RTF1: variants seen among roughly 807,000 people sequenced by gnomAD.
RTF1 encodes RNA polymerase-associated protein RTF1 homolog.
In RTF1, 10 loss-of-function variants were observed where a neutral mutation model predicts 95.7. That is an observed-to-expected ratio of 0.10 (90% confidence interval 0.06 to 0.18). RTF1 has a LOEUF of 0.18. Among genes scored for constraint, RTF1 ranks in the 10% least tolerant of loss-of-function variants. RTF1 has a pLI of 1.00. For missense variants in RTF1, 458 were observed against 875.6 expected (o/e 0.52, Z 6.02); for synonymous variants, 305 against 311.8 (o/e 0.98, Z 0.23).
chr15:41,421,800 C>T (rs1359250298), intron 1 of RTF1, among the ~76,000 whole-genome samples: 2 of 151,466 alleles, frequency 1.3e-5, no homozygotes, highest in Non-Finnish European at 2.9e-5. Flanking sequence ...TAGCGTTGAC[C>T]TCCCTAGCTC....
intron 3 of RTF1, among the ~76,000 whole-genome samples, chr15:41,455,324 A>G (rs967460682): frequency 3.3e-5 from 5 of 151,912 alleles, no homozygotes; most frequent in Non-Finnish European, 7.4e-5. Flanking sequence ...AAAAAAAAAA[A>G]AAAGAAAATG....
At chr15:41,420,120 C>T (rs1015190784) in intron 1 of RTF1, among the ~76,000 whole-genome samples, 64 of 152,120 alleles carry the variant, frequency 4.2e-4, no homozygotes, top group Middle Eastern at 6.8e-3. Flanking sequence ...CGTGCTTGGC[C>T]GGAATTGCAA....
chr15:41,478,438 T>G, intron 14 of RTF1, 110 bp from the exon 15 acceptor site: 1 of 775,868 alleles, frequency 1.3e-6, no homozygotes, highest in African/African-American at 1.8e-5. Flanking sequence ...AAAAGGATAA[T>G]AGCTTTTTTT....
At chr15:41,445,030 C>T (rs1306800804) in intron 2 of RTF1, among the ~76,000 whole-genome samples, 1 of 152,166 alleles carries the variant, frequency 6.6e-6, no homozygotes, top group East Asian at 1.9e-4. Context: ...CTCCCGGATT[C>T]ACGCCGTTCT....
intron 1 of RTF1, among the ~76,000 whole-genome samples, chr15:41,431,062 C>A (rs1286730887): frequency 6.6e-6 from 1 of 151,538 alleles, no homozygotes; most frequent in Non-Finnish European, 1.5e-5. Context: ...TGCCACCATG[C>A]CCAGCTAATT....
chr15:41,478,311 GA>G (rs1452396882), intron 14 of RTF1, among the ~76,000 whole-genome samples: 1 of 150,944 alleles, frequency 6.6e-6, no homozygotes, highest in African/African-American at 2.4e-5. Flanking sequence ...TGAGGCAGGA[GA>G]ATCACTTGAA....
chr15:41,422,225 G>A (rs867216427), intron 1 of RTF1, among the ~76,000 whole-genome samples: 1 of 152,044 alleles, frequency 6.6e-6, no homozygotes, highest in African/African-American at 2.4e-5. Context: ...CAGTAGAGAC[G>A]CTATGTTGGC....
intron 16 of RTF1, 119 bp from the exon 17 acceptor site, chr15:41,480,095 G>A (rs1456750142): frequency 1.1e-5 from 7 of 654,616 alleles, no homozygotes; most frequent in South Asian, 7.4e-5. Context: ...ATCAGAAAGG[G>A]GCCTTAGTAG....
chr15:41,438,951 C>T lies in RTF1; in HGVS notation c.309+520C>T, dbSNP rs563227681. On this transcript the variant is annotated intron_variant, in intron 2 of 17. Coordinates refer to ENST00000389629, the MANE Select transcript of RTF1 (RefSeq NM_015138.5). ...CTAGTGGGTCCCTCTGCAGGACATG[C>T]GTAGTCATTCTGTAGCTTTTTTTTT... 1.4e-4 allele frequency among the ~76,000 whole-genome samples: 20 copies of T among 147,344 alleles called. No individual in the cohort carries two copies. The East Asian group carries it at 2.8e-3, about 20-fold the overall frequency.
intron 1 of RTF1, among the ~76,000 whole-genome samples, chr15:41,437,920 C>A (rs996144260): frequency 4.6e-5 from 7 of 152,140 alleles, no homozygotes; most frequent in Admixed American, 3.9e-4. Context: ...AAAACTGCCC[C>A]ACAAATGCCA....
rs1408472975 is a variant in RTF1, at chr15:41,474,720, G to C, written c.1286+18G>C. On this transcript the variant is annotated intron_variant, in intron 9 of 17. Coordinates refer to ENST00000389629, the MANE Select transcript of RTF1 (RefSeq NM_015138.5). The stretch of plus-strand genomic sequence containing the variant: ...CAACTACGGTAGGAGGCACTTCTGG[G>C]GTAGCTTCTGCTTCCACTTCAAACA... 1 of 1,584,676 alleles carries C rather than the reference G, an allele frequency of 6.3e-7. No homozygotes were observed. Among genetic ancestry groups the C allele is most frequent in the Non-Finnish European group, 8.7e-7 (1 of 1,153,250 alleles).
intron 3 of RTF1, among the ~76,000 whole-genome samples, chr15:41,456,086 G>A (rs993372051): frequency 6.6e-6 from 1 of 151,008 alleles, no homozygotes; most frequent in Non-Finnish European, 1.5e-5. Flanking sequence ...TGTGCCTGTA[G>A]TCCCTGTTAC....
chr15:41,474,569 A>G, intron 8 of RTF1, 51 bp from the exon 9 acceptor site: 1 of 1,280,834 alleles, frequency 7.8e-7, no homozygotes, highest in Non-Finnish European at 1.1e-6. Flanking sequence ...AGTGTTGTGG[A>G]AAGCTCCGGA....
chr15:41,433,256 T>A (rs368327031), intron 1 of RTF1, among the ~76,000 whole-genome samples: 196 of 151,888 alleles, frequency 1.3e-3, no homozygotes, highest in African/African-American at 4.0e-3. Flanking sequence ...TCAAAAAAAA[T>A]AAATAAATAA....
chr15:41,436,768 T>A (rs577681761), intron 1 of RTF1, among the ~76,000 whole-genome samples: 1 of 151,928 alleles, frequency 6.6e-6, no homozygotes, highest in Non-Finnish European at 1.5e-5. Context: ...CACTCTAGAC[T>A]GGGCAACAGA....
At chr15:41,465,093 T>G (rs1427041017) in intron 5 of RTF1, among the ~76,000 whole-genome samples, 4 of 152,016 alleles carry the variant, frequency 2.6e-5, no homozygotes, top group Non-Finnish European at 4.4e-5. Flanking sequence ...GCTTTCCTTT[T>G]TCCTTTTCTT....
chr15:41,437,805 T>C (rs1429276791), intron 1 of RTF1, among the ~76,000 whole-genome samples: 3 of 152,216 alleles, frequency 2.0e-5, no homozygotes, highest in Non-Finnish European at 4.4e-5. Flanking sequence ...CCAGCACACT[T>C]ACTGCTTGTT....
rs2050976430 is a variant in RTF1 at position 41,481,730 on chromosome 15, T to C, written c.*1043T>C. On this transcript the variant is annotated 3_prime_UTR_variant, in exon 18 of 18. Coordinates refer to ENST00000389629, the MANE Select transcript of RTF1 (RefSeq NM_015138.5). Reference sequence around the variant, plus strand: ...TCTGTTTTGCTGCTTTGGCAAGAACTACATTTTGTTTTTAAGAGAAATTTC... The same window carrying C: ...TCTGTTTTGCTGCTTTGGCAAGAACCACATTTTGTTTTTAAGAGAAATTTC... The C allele has an allele frequency of 6.6e-6, 1 of 152,658 alleles. No individual in the cohort carries two copies. Among genetic ancestry groups the C allele is most frequent in the African/African-American group, 2.4e-5 (1 of 41,468 alleles). The allele number at this position is 152,658 out of a possible 1,614,324, so 9.5% of individuals were successfully genotyped here.
intron 7 of RTF1, among the ~76,000 whole-genome samples, chr15:41,470,862 T>G (rs917975398): frequency 1.3e-5 from 2 of 151,732 alleles, no homozygotes; most frequent in African/African-American, 4.8e-5. Context: ...GTTTCACTGT[T>G]TTAGCCGGGA....
Sources: gnomAD v4.1 joint callset for allele counts (sites outside exome capture counted in the v4.1 genomes callset) on GRCh38, gnomAD v4.1.1 for gene constraint, MANE v1.5 for transcripts, NCBI Gene and HGNC (gene_info 2026-07-23, HGNC 2026-07-21) for gene names.